GPC3: variants seen among roughly 807,000 people sequenced by gnomAD.
GPC3 encodes the protein glypican-3.
GPC3 carries 3 observed loss-of-function variants against 34.4 expected under a neutral mutation model. The observed-to-expected ratio is 0.09, with a 90% confidence interval of 0.04 to 0.23. The LOEUF (loss-of-function observed/expected upper bound fraction) is 0.23, where lower values mean the gene tolerates loss of function less well. Ranked by LOEUF, GPC3 falls within the 10% of genes least tolerant of loss-of-function variation. The pLI, the probability that GPC3 is intolerant of heterozygous loss-of-function variation, is 1.00. For synonymous variants in GPC3, 177 were observed against 174.0 expected (o/e 1.02, Z -0.13); for missense variants, 351 against 445.6 (o/e 0.79, Z 1.91).
intron 6 of GPC3, among the ~76,000 whole-genome samples, chrX:133,629,293 C>T (rs2070340981): frequency 8.9e-6 from 1 of 111,980 alleles, no homozygotes; most frequent in Non-Finnish European, 1.9e-5. Flanking sequence ...GAAATCGCTC[C>T]ACCTCTCTGC....
chrX:133,562,593 T>G (rs2069547752), intron 7 of GPC3, among the ~76,000 whole-genome samples: 1 of 111,048 alleles, frequency 9.0e-6, no homozygotes, highest in Non-Finnish European at 1.9e-5. Context: ...ATCGTGCTAC[T>G]GCACTTCAGC....
At chrX:133,982,026 A>T (rs1219129885) in intron 1 of GPC3, among the ~76,000 whole-genome samples, 1 of 111,637 alleles carries the variant, frequency 9.0e-6, no homozygotes, top group Non-Finnish European at 1.9e-5. Flanking sequence ...AAAGTGGTGT[A>T]TGGCATTCAT....
chrX:133,877,691 C>T (rs2076022535), intron 2 of GPC3, among the ~76,000 whole-genome samples: 3 of 111,951 alleles, frequency 2.7e-5, no homozygotes, highest in South Asian at 7.3e-4. Flanking sequence ...AGATGATTAA[C>T]TCAAAACAAA....
At chrX:133,813,057 T>C (rs999474010) in intron 2 of GPC3, among the ~76,000 whole-genome samples, 1 of 113,013 alleles carries the variant, frequency 8.8e-6, no homozygotes, top group African/African-American at 3.2e-5. Context: ...ACTCTCTTTC[T>C]GAGAATTCAC....
chrX:133,763,090 A>G (rs1364985938), intron 2 of GPC3: 40 of 646,253 alleles, frequency 6.2e-5, no homozygotes, highest in Admixed American at 2.7e-4. Context: ...AGCCACTCCA[A>G]TTGCTGGCCG....
At chrX:133,540,222 A>G (rs2069329266) in intron 7 of GPC3, among the ~76,000 whole-genome samples, 1 of 112,961 alleles carries the variant, frequency 8.9e-6, no homozygotes, top group Admixed American at 9.3e-5. Context: ...AAAGGAAAAG[A>G]AGTCATTCTA....
intron 2 of GPC3, among the ~76,000 whole-genome samples, chrX:133,911,006 T>C (rs1334595037): frequency 8.9e-6 from 1 of 111,757 alleles, no homozygotes; most frequent in South Asian, 3.8e-4. Context: ...TTTCATCCAA[T>C]TGGTATGTGC....
At chrX:133,696,373 C>G (rs2071118497) in intron 4 of GPC3, among the ~76,000 whole-genome samples, 1 of 112,051 alleles carries the variant, frequency 8.9e-6, no homozygotes, top group African/African-American at 3.2e-5. Flanking sequence ...ACCAAGTTTA[C>G]TGGGCCTCTC....
chrX:133,560,565 C>T (rs981808053), intron 7 of GPC3, among the ~76,000 whole-genome samples: 11 of 111,369 alleles, frequency 9.9e-5, no homozygotes, highest in Admixed American at 9.5e-5. Flanking sequence ...ATGGCAAAAC[C>T]CCGTCTGTAC....
At chrX:133,909,006 T>C (rs914837571) in intron 2 of GPC3, among the ~76,000 whole-genome samples, 4 of 112,370 alleles carry the variant, frequency 3.6e-5, no homozygotes, top group African/African-American at 1.3e-4. Flanking sequence ...TTGCGATATC[T>C]GCAATGCAAA....
At chrX:133,861,557 C>T (rs2075936258) in intron 2 of GPC3, among the ~76,000 whole-genome samples, 1 of 111,504 alleles carries the variant, frequency 9.0e-6, no homozygotes, top group African/African-American at 3.3e-5. Context: ...CAATTTCATA[C>T]AGGAAGTTTT....
intron 2 of GPC3, among the ~76,000 whole-genome samples, chrX:133,858,692 AG>A (rs1245366269): frequency 8.9e-6 from 1 of 111,958 alleles, no homozygotes; most frequent in African/African-American, 3.2e-5. Flanking sequence ...GACAGAAACC[AG>A]AATGAGTCTC....
At chrX:133,970,521 A>G in intron 1 of GPC3, among the ~76,000 whole-genome samples, 1 of 55,954 alleles carries the variant, frequency 1.8e-5, no homozygotes, top group African/African-American at 7.6e-5. Context: ...GGGAGTTTGG[A>G]TAACCAGTTA....
chrX:133,690,948 G>A (rs2071056050), intron 5 of GPC3, among the ~76,000 whole-genome samples: 1 of 111,576 alleles, frequency 9.0e-6, no homozygotes, highest in African/African-American at 3.3e-5. Flanking sequence ...TAAGCATTCT[G>A]TCCTCTTGAT....
rs781444191 is a variant in GPC3 at position 133,853,973 on chromosome X, A to C, written c.337+99077T>G. Among the ~76,000 whole-genome samples, 3 of 112,131 alleles carry C rather than the reference A, an allele frequency of 2.7e-5. No individual in the cohort carries two copies. The Admixed American group carries it at 2.8e-4, about 11-fold the overall frequency. On this transcript the variant is annotated intron_variant, in intron 2 of 7. Coordinates refer to ENST00000370818, the MANE Select transcript of GPC3 (RefSeq NM_004484.4). ...AGTTTCCTTATCCAAAAATTTTTCC[A>C]CTAGTCTTTGCAGCTTTCTTGCTCT...
At chrX:133,612,491 G>A (rs1467256843) in intron 6 of GPC3, among the ~76,000 whole-genome samples, 1 of 111,828 alleles carries the variant, frequency 8.9e-6, no homozygotes, top group Non-Finnish European at 1.9e-5. Context: ...AGCTGACAGG[G>A]AAACAAAGAA....
chrX:133,717,585 CTCAA>C (rs761166283), intron 3 of GPC3, among the ~76,000 whole-genome samples: 3 of 111,100 alleles, frequency 2.7e-5, no homozygotes, highest in Non-Finnish European at 5.7e-5. Context: ...CCCCTGCTTG[CTCAA>C]TCAATCACAA....
At chrX:133,892,526 T>C (rs1370964561) in intron 2 of GPC3, among the ~76,000 whole-genome samples, 1 of 111,401 alleles carries the variant, frequency 9.0e-6, no homozygotes, top group Non-Finnish European at 1.9e-5. Flanking sequence ...CCATTCTGCA[T>C]ACCAGGAAGG....
At chrX:133,832,662 G>A (rs990234838) in intron 2 of GPC3, among the ~76,000 whole-genome samples, 4 of 111,531 alleles carry the variant, frequency 3.6e-5, no homozygotes, top group South Asian at 3.7e-4. Context: ...GCATAAATCC[G>A]TATGATACTT....
Sources: gnomAD v4.1 joint callset for allele counts (sites outside exome capture counted in the v4.1 genomes callset) on GRCh38, gnomAD v4.1.1 for gene constraint, MANE v1.5 for transcripts, NCBI Gene and HGNC (gene_info 2026-07-23, HGNC 2026-07-21) for gene names.